LRP1B: variants seen among roughly 807,000 people sequenced by gnomAD.
LRP1B encodes the protein low-density lipoprotein receptor-related protein 1B.
LRP1B carries 217 observed loss-of-function variants against 556.6 expected under a neutral mutation model. The observed-to-expected ratio is 0.39, with a 90% CI of 0.35 to 0.44. LRP1B has a LOEUF of 0.44. Among genes scored for constraint, LRP1B ranks in the 20% least tolerant of loss-of-function variants. The pLI, the probability that LRP1B is intolerant of heterozygous loss-of-function variation, is 1.00. For synonymous variants in LRP1B, 2,047 were observed against 1,865.8 expected (o/e 1.10, Z -2.50); for missense variants, 5,053 against 5,620.8 (o/e 0.90, Z 3.23).
At chr2:140,311,875 T>A (rs1163896891) in intron 83 of LRP1B, among the ~76,000 whole-genome samples, 49 of 151,812 alleles carry the variant, frequency 3.2e-4, no homozygotes, top group African/African-American at 1.1e-3. Context: ...GACTGTGGAT[T>A]TTATGCCCCA....
intron 66 of LRP1B, among the ~76,000 whole-genome samples, chr2:140,399,029 T>A (rs2105224361): frequency 6.6e-6 from 1 of 152,202 alleles, no homozygotes; most frequent in South Asian, 2.1e-4. Flanking sequence ...AATAATAAAA[T>A]AAAAAATGTG....
intron 86 of LRP1B, among the ~76,000 whole-genome samples, chr2:140,255,923 T>A (rs1681654657): frequency 6.6e-6 from 1 of 152,196 alleles, no homozygotes; most frequent in Admixed American, 6.5e-5. Context: ...TCACTTATTC[T>A]TTAATTCATT....
At chr2:141,433,118 T>A (rs565180842) in intron 3 of LRP1B, among the ~76,000 whole-genome samples, 1 of 152,220 alleles carries the variant, frequency 6.6e-6, no homozygotes, top group Non-Finnish European at 1.5e-5. Flanking sequence ...ATTTTCTAAC[T>A]TTACTTGTGA....
intron 23 of LRP1B, 44 bp downstream of exon 23, chr2:140,902,876 G>T (rs774946652): frequency 6.3e-7 from 1 of 1,587,208 alleles, no homozygotes; most frequent in Non-Finnish European, 8.6e-7. Context: ...TTTCTTTCAA[G>T]ATCTATTCTT....
At chr2:141,464,417 GA>G (rs1249672664) in intron 3 of LRP1B, among the ~76,000 whole-genome samples, 1 of 135,956 alleles carries the variant, frequency 7.4e-6, no homozygotes, top group Non-Finnish European at 1.6e-5. Flanking sequence ...TTTTTGCTGT[GA>G]CTTTTTTTTT....
intron 11 of LRP1B, among the ~76,000 whole-genome samples, chr2:141,032,973 G>A (rs1027156793): frequency 6.6e-6 from 1 of 151,866 alleles, no homozygotes; most frequent in Admixed American, 6.6e-5. Context: ...CCCAACAAAA[G>A]ATGCATCACA....
At chr2:141,118,076 A>G (rs1700950602) in intron 7 of LRP1B, among the ~76,000 whole-genome samples, 1 of 151,984 alleles carries the variant, frequency 6.6e-6, no homozygotes, top group South Asian at 2.1e-4. Flanking sequence ...CTTTGTACCA[A>G]ACAAATGCAT....
intron 2 of LRP1B, among the ~76,000 whole-genome samples, chr2:141,605,037 G>A (rs1687865083): frequency 6.6e-6 from 1 of 152,012 alleles, no homozygotes; most frequent in Non-Finnish European, 1.5e-5. Context: ...GGCACGTAAG[G>A]TGGCCCGGGT....
intron 47 of LRP1B, among the ~76,000 whole-genome samples, chr2:140,532,534 C>T (rs1432659299): frequency 6.6e-6 from 1 of 151,890 alleles, no homozygotes; most frequent in Non-Finnish European, 1.5e-5. Context: ...GTAGCTGGGA[C>T]TACAGGCGAG....
chr2:140,951,255 A>T (rs1695706617), intron 19 of LRP1B, among the ~76,000 whole-genome samples: 1 of 152,132 alleles, frequency 6.6e-6, no homozygotes, highest in Non-Finnish European at 1.5e-5. Context: ...TGTACTTGGA[A>T]ACTGTTGTAC....
chr2:141,216,075 T>C (rs1388994012), intron 6 of LRP1B, among the ~76,000 whole-genome samples: 2 of 152,086 alleles, frequency 1.3e-5, no homozygotes, highest in African/African-American at 2.4e-5. Flanking sequence ...TTTCATCACA[T>C]GCCTAGAGAC....
In LRP1B at chr2:141,469,423, A is replaced by G. The variant is rs1000596498; in HGVS notation, c.343+10973T>C. On this transcript the variant is annotated intron_variant, in intron 3 of 90. Coordinates refer to ENST00000389484, the MANE Select transcript of LRP1B (RefSeq NM_018557.3). ...GAGGCTTGGTAGCTTAAACAAAGGC[A>G]GCTTATTTCTTAGTTCTAGAGGCTA... Among the ~76,000 whole-genome samples the G allele has an allele frequency of 2.0e-5, 3 of 152,262 alleles. No individual in the cohort carries two copies. The East Asian group carries it at 5.9e-4, about 30-fold the overall frequency.
intron 31 of LRP1B, among the ~76,000 whole-genome samples, chr2:140,838,988 T>A (rs1244197142): frequency 6.6e-6 from 1 of 152,198 alleles, no homozygotes; most frequent in Non-Finnish European, 1.5e-5. Flanking sequence ...CATCACGTTA[T>A]AGCTGATGAT....
chr2:140,248,792 T>C (rs1250585738), intron 86 of LRP1B, among the ~76,000 whole-genome samples: 1 of 151,494 alleles, frequency 6.6e-6, no homozygotes, highest in East Asian at 1.9e-4. Flanking sequence ...TTTGGGAACA[T>C]TTTGCAAACA....
intron 1 of LRP1B, among the ~76,000 whole-genome samples, chr2:141,862,018 C>A (rs1698262602): frequency 6.6e-6 from 1 of 152,082 alleles, no homozygotes. Context: ...GTCATAAATG[C>A]ACAAACCTAT....
At chr2:142,025,615 T>C (rs1703477022) in intron 1 of LRP1B, among the ~76,000 whole-genome samples, 1 of 152,050 alleles carries the variant, frequency 6.6e-6, no homozygotes, top group Admixed American at 6.6e-5. Flanking sequence ...TCAAAAAGCT[T>C]TATCCAAGAT....
intron 2 of LRP1B, among the ~76,000 whole-genome samples, chr2:141,553,813 A>G (rs929831308): frequency 3.6e-5 from 5 of 139,114 alleles, no homozygotes; most frequent in Non-Finnish European, 7.7e-5. Flanking sequence ...ATAGATCTAT[A>G]TTAATAGATA....
intron 35 of LRP1B, among the ~76,000 whole-genome samples, chr2:140,717,429 A>G (rs987619783): frequency 2.0e-5 from 3 of 152,116 alleles, no homozygotes; most frequent in Admixed American, 6.6e-5. Flanking sequence ...ATTATTTTTC[A>G]AACTCTCATT....
intron 1 of LRP1B, among the ~76,000 whole-genome samples, chr2:142,108,147 A>G (rs1706823061): frequency 1.3e-5 from 2 of 151,376 alleles, no homozygotes; most frequent in Admixed American, 6.6e-5. Context: ...ATCTCTTTAA[A>G]AATTATATAT....
Sources: gnomAD v4.1 joint callset for allele counts (sites outside exome capture counted in the v4.1 genomes callset) on GRCh38, gnomAD v4.1.1 for gene constraint, MANE v1.5 for transcripts, NCBI Gene and HGNC (gene_info 2026-07-23, HGNC 2026-07-21) for gene names.